ATG7: variants seen among roughly 807,000 people sequenced by gnomAD.
ATG7 encodes autophagy related 7.
In ATG7, 70 loss-of-function variants were observed where a neutral mutation model predicts 82.4. That is an observed-to-expected ratio of 0.85 (90% CI 0.70 to 1.04). ATG7 has a LOEUF of 1.04. Ranked by LOEUF, ATG7 falls within the 50% of genes least tolerant of loss-of-function variation. The pLI, the probability that ATG7 is intolerant of heterozygous loss-of-function variation, is 0.00. For missense variants in ATG7, 792 were observed against 864.3 expected, an observed-to-expected ratio of 0.92 and a Z score of 1.05; for synonymous variants, 287 against 313.0, an observed-to-expected ratio of 0.92 and a Z score of 0.88.
At chr3:11,565,632 G>T in the ATG7 span, among the ~76,000 whole-genome samples, 5 of 152,226 alleles carry the variant, frequency 3.3e-5, no homozygotes, top group Non-Finnish European at 5.9e-5. The surrounding 1 kb of genome is among the most constrained non-coding windows in gnomAD (Gnocchi z 4.1). Flanking sequence ...CCGGGGTGCT[G>T]TAGGGAGCCG....
chr3:11,550,475 C>T (rs1362649787), intron 20 of ATG7, among the ~76,000 whole-genome samples: 1 of 152,054 alleles, frequency 6.6e-6, no homozygotes, highest in Non-Finnish European at 1.5e-5. Context: ...AGTCACAGCT[C>T]ACTGCGGCCT....
the ATG7 span, among the ~76,000 whole-genome samples, chr3:11,563,144 TGTGGGCAGAGATAGCTTGTAAGGCTCACA>T: frequency 6.1e-3 from 936 of 152,336 alleles, 5 homozygotes; most frequent in Middle Eastern, 0.031. Context: ...ACCCTGACCA[TGTGGGCAGAGATAGCTTGTAAGGCTCACA>T]GTTATGTCCC....
chr3:11,559,387 G>A (rs763265828), downstream of ATG7: 101 of 1,558,710 alleles, frequency 6.5e-5, no homozygotes, highest in Non-Finnish European at 8.2e-5. Flanking sequence ...CGCTGTGCGC[G>A]ATGGGGCAGT....
chr3:11,303,396 G>A (rs1325179860), intron 5 of ATG7, among the ~76,000 whole-genome samples: 5 of 152,228 alleles, frequency 3.3e-5, no homozygotes, highest in East Asian at 3.8e-4. Flanking sequence ...TCCGCCAGGC[G>A]CGGTGGCTCA....
At chr3:11,496,778 AAAAT>A (rs1226913780) in intron 20 of ATG7, among the ~76,000 whole-genome samples, 36 of 152,250 alleles carry the variant, frequency 2.4e-4, no homozygotes, top group African/African-American at 7.7e-4. Flanking sequence ...CTGGAAAAGA[AAAAT>A]AAAGCTGTTA....
chr3:11,467,057 G>C (rs1014322719), intron 20 of ATG7, among the ~76,000 whole-genome samples: 4 of 152,124 alleles, frequency 2.6e-5, no homozygotes, highest in African/African-American at 9.7e-5. Flanking sequence ...CCGAGAGGCA[G>C]AGGTTGCAGT....
At position 11,356,038 on chromosome 3, in the gene ATG7, A is replaced by G. The variant is rs150959595; in HGVS notation, c.1285-2380A>G. Among the ~76,000 whole-genome samples the G allele has an allele frequency of 3.3e-5, 5 of 152,350 alleles. No individual in the cohort carries two copies. In the East Asian group the frequency reaches 9.6e-4, roughly 29 times the overall value. On this transcript the variant is annotated intron_variant, in intron 14 of 20. Coordinates refer to ENST00000693202, the MANE Select transcript of ATG7 (RefSeq NM_001349232.2). ...AACCTCAAAAGCAGTATGCTAAGCA[A>G]AAGAAGCCAAACACAAACAAGTATA... is the stretch of plus-strand genomic sequence containing the variant.
chr3:11,541,318 T>C (rs1294529745), intron 20 of ATG7, among the ~76,000 whole-genome samples: 1 of 152,262 alleles, frequency 6.6e-6, no homozygotes, highest in Non-Finnish European at 1.5e-5. Flanking sequence ...CAGCAATGTT[T>C]GTTGAAAAGA....
chr3:11,363,086 G>T, intron 17 of ATG7, 158 bp downstream of exon 17: 2 of 623,094 alleles, frequency 3.2e-6, no homozygotes, highest in Admixed American at 3.0e-5. Flanking sequence ...TGGTTCTTTG[G>T]GCTGAGATAA....
chr3:11,291,396 T>C (rs79615541), intron 3 of ATG7, among the ~76,000 whole-genome samples: 7,048 of 152,218 alleles, frequency 0.046, 209 homozygotes, highest in African/African-American at 0.079. Context: ...TGAAAAGAAG[T>C]TTCTTCCTTC....
intron 3 of ATG7, among the ~76,000 whole-genome samples, chr3:11,296,421 A>C (rs1945926783): frequency 6.6e-6 from 1 of 151,838 alleles, no homozygotes; most frequent in Non-Finnish European, 1.5e-5. Context: ...GTCACCTTTT[A>C]TTTTAAATCA....
chr3:11,509,757 G>A (rs1383391200), intron 20 of ATG7, among the ~76,000 whole-genome samples: 2 of 152,104 alleles, frequency 1.3e-5, no homozygotes. Context: ...ATCTATTTCT[G>A]TAAAGTGAGA....
At chr3:11,437,820 T>C (rs1576409630) in intron 20 of ATG7, among the ~76,000 whole-genome samples, 1 of 152,188 alleles carries the variant, frequency 6.6e-6, no homozygotes, top group African/African-American at 2.4e-5. Context: ...CACCCCTAAA[T>C]TTTAGCATGA....
chr3:11,499,290 C>A (rs1011481306), intron 20 of ATG7, among the ~76,000 whole-genome samples: 1 of 152,126 alleles, frequency 6.6e-6, no homozygotes, highest in Non-Finnish European at 1.5e-5. Flanking sequence ...GGTTTTCACA[C>A]ATACTTGCTC....
chr3:11,456,507 G>A (rs2085731656), intron 20 of ATG7, among the ~76,000 whole-genome samples: 1 of 152,084 alleles, frequency 6.6e-6, no homozygotes, highest in African/African-American at 2.4e-5. Flanking sequence ...GCCTAGGAGT[G>A]GAATTGCTGT....
chr3:11,358,721 T>C, intron 15 of ATG7, 109 bp downstream of exon 15: 1 of 1,226,690 alleles, frequency 8.2e-7, no homozygotes, highest in Non-Finnish European at 1.1e-6. Flanking sequence ...TTGTGTGACC[T>C]GGTAGCATAG....
At chr3:11,410,776 A>G (rs2080820554) in intron 19 of ATG7, among the ~76,000 whole-genome samples, 1 of 152,196 alleles carries the variant, frequency 6.6e-6, no homozygotes, top group South Asian at 2.1e-4. Context: ...CATTGTATGT[A>G]GCATATACTA....
intron 19 of ATG7, among the ~76,000 whole-genome samples, chr3:11,389,232 C>CAA (rs752930553): frequency 0.034 from 1,945 of 56,496 alleles, 136 homozygotes; most frequent in Middle Eastern, 0.039. Context: ...GACCCTGTCT[C>CAA]AAAAAAAAAA....
chr3:11,465,312 G>T (rs1208014026), intron 20 of ATG7, among the ~76,000 whole-genome samples: 1 of 151,910 alleles, frequency 6.6e-6, no homozygotes, highest in Non-Finnish European at 1.5e-5. Context: ...GTGCATGGTG[G>T]TGGGCACCTG....
Sources: allele counts gnomAD v4.1 joint callset (sites outside exome capture counted in the v4.1 genomes callset), GRCh38; gene constraint gnomAD v4.1.1; non-coding constraint Gnocchi (gnomAD v3.1); transcripts MANE v1.5; gene names NCBI Gene and HGNC (gene_info 2026-07-23, HGNC 2026-07-21).